Variants in MYO3A observed in about 807,000 individuals in gnomAD.
The protein encoded by MYO3A is myosin IIIA, also known as myosin-IIIa.
MYO3A carries 180 observed loss-of-function variants against 192.7 expected under a neutral mutation model. The observed-to-expected ratio is 0.93, with a 90% confidence interval of 0.83 to 1.06. The LOEUF (loss-of-function observed/expected upper bound fraction) is 1.06, where lower values mean the gene tolerates loss of function less well. MYO3A is among the 50% of genes least tolerant of loss of function. MYO3A has a pLI of 0.00. For missense variants in MYO3A, 1,896 were observed against 1,905.0 expected (o/e 1.00, Z 0.09); for synonymous variants, 628 against 645.3 (o/e 0.97, Z 0.41).
chr10:26,170,739 T>G (rs533644474), intron 29 of MYO3A, among the ~76,000 whole-genome samples, 200 bp downstream of exon 29: 100 of 152,348 alleles, frequency 6.6e-4, no homozygotes, highest in African/African-American at 2.4e-3. Flanking sequence ...CTTCCTTGGC[T>G]TCTACCAGAT....
chr10:26,104,105 T>A (rs1302560286), intron 17 of MYO3A, among the ~76,000 whole-genome samples: 1 of 125,344 alleles, frequency 8.0e-6, no homozygotes, highest in Admixed American at 7.7e-5. Flanking sequence ...TTATCAGATG[T>A]CTGATTTGCA....
chr10:26,068,938 A>G (rs897786454), intron 12 of MYO3A, 54 bp downstream of exon 12: 1 of 1,165,526 alleles, frequency 8.6e-7, no homozygotes, highest in Non-Finnish European at 1.3e-6. Context: ...ATACATTCAG[A>G]TACTTAAATT....
intron 31 of MYO3A, 29 bp from the exon 32 acceptor site, chr10:26,193,176 A>G (rs769509908): frequency 1.3e-6 from 2 of 1,483,850 alleles, no homozygotes; most frequent in Non-Finnish European, 1.9e-6. Context: ...TTGTAATTAA[A>G]TACTTGTTTA....
Position 26,006,965 on chromosome 10 carries a change from T to G in MYO3A, c.508+9707T>G, listed in dbSNP as rs1354123745. ...TTAGACCAATATCCTTGATGAACAT[T>G]GATGCAAAAATCCTCAATAAAATAC... On this transcript the variant is annotated intron_variant, in intron 6 of 34. Coordinates refer to ENST00000642920, the MANE Select transcript of MYO3A (RefSeq NM_017433.5). Among the ~76,000 whole-genome samples the G allele has an allele frequency of 4.3e-3, 638 of 147,498 alleles. 2 individuals are homozygous for G. Among genetic ancestry groups the G allele is most frequent in the African/African-American group, 0.015 (568 of 38,088 alleles).
Position 25,952,077 on chromosome 10 carries a change from G to A in MYO3A, c.-17-17G>A. 1 of 1,571,744 alleles carries A rather than the reference G, an allele frequency of 6.4e-7. No homozygotes were observed. The highest frequency in any genetic ancestry group is 8.7e-7 in the Non-Finnish European group (1 of 1,144,492). On this transcript the variant is annotated splice_polypyrimidine_tract_variant and intron_variant, in intron 2 of 34. Coordinates refer to ENST00000642920, the MANE Select transcript of MYO3A (RefSeq NM_017433.5). ...TCCTCAATCAACTGTAGATGAAACTGTACTTCTTATCTCCAGGTTTTTAAA... is the reference window on the plus strand; with the variant it reads ...TCCTCAATCAACTGTAGATGAAACTATACTTCTTATCTCCAGGTTTTTAAA...
intron 9 of MYO3A, among the ~76,000 whole-genome samples, chr10:26,024,758 A>G (rs915525344): frequency 8.5e-5 from 13 of 152,262 alleles, no homozygotes; most frequent in Admixed American, 8.5e-4. Context: ...TCCTCAATGG[A>G]ACTTAGTGTC....
intron 4 of MYO3A, among the ~76,000 whole-genome samples, chr10:25,984,494 C>G (rs1303187395): frequency 6.6e-6 from 1 of 152,208 alleles, no homozygotes; most frequent in Non-Finnish European, 1.5e-5. Context: ...ACCACCTCCT[C>G]CAGCCTCCCG....
At chr10:26,076,429 T>A (rs943523608) in intron 14 of MYO3A, among the ~76,000 whole-genome samples, 2 of 152,064 alleles carry the variant, frequency 1.3e-5, no homozygotes, top group African/African-American at 4.8e-5. Flanking sequence ...TTGTGAAGAT[T>A]TTTTTTCCCA....
At chr10:26,033,554 G>A (rs1389671912) in intron 10 of MYO3A, among the ~76,000 whole-genome samples, 3 of 152,000 alleles carry the variant, frequency 2.0e-5, no homozygotes, top group Non-Finnish European at 4.4e-5. Context: ...CCTAGAAATC[G>A]CGGATTGAGA....
rs1842219762 is a variant in MYO3A at position 26,174,530 on chromosome 10, A to C, written c.4266A>C (p.Ala1422=). 1.2e-6 allele frequency: 2 copies of C among 1,613,968 alleles called. No individual in the cohort carries two copies. The highest frequency in any genetic ancestry group is 2.2e-5 in the East Asian group (1 of 44,894). ...KDSKATSERE[A]CGLAIFSKQI... ...CGAAAGCAACTTCAGAAAGAGAAGC[A>C]TGTGGTTTGGCAATTTTTTCAAAAC... The change falls in exon 30 of 35, where the codon GCA becomes GCC. Residue 1422 remains alanine, a synonymous_variant. Transcript: ENST00000642920.
intron 17 of MYO3A, among the ~76,000 whole-genome samples, chr10:26,105,817 T>C (rs1012814923): frequency 2.0e-5 from 3 of 152,050 alleles, no homozygotes; most frequent in South Asian, 2.1e-4. Context: ...TTCTTGAAAG[T>C]TTAAAAAATA....
At chr10:26,060,323 C>G (rs548231383) in intron 10 of MYO3A, among the ~76,000 whole-genome samples, 9 of 151,542 alleles carry the variant, frequency 5.9e-5, no homozygotes, top group Non-Finnish European at 1.3e-4. Flanking sequence ...CAAAAATTAG[C>G]CTGGCATGGT....
chr10:25,946,108 TAAAA>T (rs910376885), intron 2 of MYO3A, among the ~76,000 whole-genome samples: 2 of 152,158 alleles, frequency 1.3e-5, no homozygotes, highest in East Asian at 3.8e-4. Flanking sequence ...AAATTCAAGA[TAAAA>T]AAAGTGGCAT....
intron 4 of MYO3A, among the ~76,000 whole-genome samples, chr10:25,965,857 T>C (rs918095294): frequency 6.6e-6 from 1 of 151,998 alleles, no homozygotes; most frequent in Non-Finnish European, 1.5e-5. Flanking sequence ...TCACAATTGC[T>C]GTGTTCGCCC....
chr10:26,023,737 G>A (rs140601671), intron 8 of MYO3A, among the ~76,000 whole-genome samples: 5 of 152,212 alleles, frequency 3.3e-5, no homozygotes, highest in Non-Finnish European at 7.4e-5. Flanking sequence ...AAGTATTGAT[G>A]TTTCCCCCTA....
intron 21 of MYO3A, among the ~76,000 whole-genome samples, chr10:26,144,828 C>A (rs1261918806): frequency 2.6e-5 from 4 of 152,066 alleles, no homozygotes; most frequent in Non-Finnish European, 5.9e-5. Context: ...ATTCTTGGAT[C>A]CCACCCCAAA....
intron 17 of MYO3A, among the ~76,000 whole-genome samples, chr10:26,097,976 C>A (rs1327518734): frequency 6.6e-6 from 1 of 152,170 alleles, no homozygotes; most frequent in Non-Finnish European, 1.5e-5. Flanking sequence ...GTTCTAGATC[C>A]TTGAGGAATC....
chr10:26,176,819 G>A lies in MYO3A; in HGVS notation c.4412G>A (p.Arg1471Gln). 1.2e-6 allele frequency: 2 copies of A among 1,614,138 alleles called. No individual in the cohort carries two copies. The highest frequency in any genetic ancestry group is 2.2e-5 in the East Asian group (1 of 44,882). Residue 1471 changes from arginine (R) to glutamine (Q), a missense_variant, in exon 31 of 35, where the codon CGA becomes CAA. By Grantham distance (43) the Arg-to-Gln change is conservative (BLOSUM62 1). Coordinates refer to ENST00000642920, the MANE Select transcript of MYO3A (RefSeq NM_017433.5). Reference sequence around the variant, plus strand: ...TCGCACCATAAGCCAATTAATAGACGAGTTTCTTCTCAGCAGTGCCTCTCA... The same window carrying A: ...TCGCACCATAAGCCAATTAATAGACAAGTTTCTTCTCAGCAGTGCCTCTCA... ...GVSHHKPINR[R>Q]VSSQQCLSGV...
intron 31 of MYO3A, among the ~76,000 whole-genome samples, chr10:26,180,124 C>T (rs368378492): frequency 2.0e-5 from 3 of 152,108 alleles, no homozygotes; most frequent in East Asian, 1.9e-4. Context: ...TGTGAGCCAC[C>T]GCGCCTGGCC....
Sources: gnomAD v4.1 joint callset for allele counts (sites outside exome capture counted in the v4.1 genomes callset) on GRCh38, gnomAD v4.1.1 for gene constraint, MANE v1.5 for transcripts, NCBI Gene and HGNC (gene_info 2026-07-23, HGNC 2026-07-21) for gene names.